Variants in F8 observed in about 807,000 individuals in gnomAD.
The protein encoded by F8 is antihemophilic factor.
F8 carries 12 observed loss-of-function variants against 140.6 expected under a neutral mutation model. The observed-to-expected ratio is 0.09, with a 90% CI of 0.05 to 0.14. The LOEUF (loss-of-function observed/expected upper bound fraction) is 0.14. Ranked by LOEUF, F8 falls within the 10% of genes least tolerant of loss-of-function variation. The pLI is 1.00. For missense variants in F8, 1,354 were observed against 1,720.7 expected, an observed-to-expected ratio of 0.79 and a Z score of 3.77; for synonymous variants, 585 against 614.6, an observed-to-expected ratio of 0.95 and a Z score of 0.71.
At chrX:154,914,040 G>C (rs1381797945) in intron 14 of F8, among the ~76,000 whole-genome samples, 1 of 113,203 alleles carries the variant, frequency 8.8e-6, no homozygotes, top group Non-Finnish European at 1.9e-5. Flanking sequence ...GGACATCCAG[G>C]CATTTCCATA....
intron 18 of F8, among the ~76,000 whole-genome samples, chrX:154,903,544 A>C (rs1231344583): frequency 1.8e-5 from 2 of 111,893 alleles, no homozygotes; most frequent in African/African-American, 6.5e-5. Flanking sequence ...CATTATGAGT[A>C]GTGCTTAATC....
chrX:154,892,112 C>A (rs980108501), intron 22 of F8, among the ~76,000 whole-genome samples: 4 of 111,694 alleles, frequency 3.6e-5, no homozygotes, highest in Non-Finnish European at 5.6e-5. Flanking sequence ...CACCGGTACT[C>A]TTACCACAGC....
intron 22 of F8, among the ~76,000 whole-genome samples, chrX:154,865,559 G>A (rs1311410983): frequency 9.1e-6 from 1 of 110,269 alleles, no homozygotes; most frequent in African/African-American, 3.3e-5. Flanking sequence ...AAAATATGAC[G>A]TCGATTACAT....
At chrX:154,977,477 G>T (rs1249227497) in intron 6 of F8, 1 of 107,279 alleles carries the variant, frequency 9.3e-6, no homozygotes, top group Non-Finnish European at 1.9e-5. Context: ...AATTTCCTCA[G>T]TTTTTTTTTG....
intron 4 of F8, among the ~76,000 whole-genome samples, chrX:154,990,034 C>A (rs1234393995): frequency 8.9e-6 from 1 of 112,115 alleles, no homozygotes; most frequent in Non-Finnish European, 1.9e-5. Flanking sequence ...CATCATATAT[C>A]CTTTTCCATC....
chrX:154,919,554 C>T, intron 14 of F8: 2 of 723,943 alleles, frequency 2.8e-6, no homozygotes, highest in South Asian at 7.1e-5. Context: ...ATCACTCAAT[C>T]CTGGCAGACT....
chrX:154,915,914 C>T (rs1047577323), intron 14 of F8, among the ~76,000 whole-genome samples: 1 of 111,953 alleles, frequency 8.9e-6, no homozygotes, highest in South Asian at 3.7e-4. Context: ...TCAATTTTTT[C>T]CCATTTGGTG....
chrX:154,899,843 C>A (rs2073000715), intron 21 of F8, 23 bp downstream of exon 21: 1 of 1,163,325 alleles, frequency 8.6e-7, no homozygotes, highest in Admixed American at 2.2e-5. Context: ...ATACATTTCC[C>A]ATCATTGATT....
chrX:155,000,444 GC>G (rs1478156618), intron 1 of F8, among the ~76,000 whole-genome samples: 1 of 112,254 alleles, frequency 8.9e-6, no homozygotes, highest in Non-Finnish European at 1.9e-5. Context: ...GCCATAAAGA[GC>G]CTCTCTTCCT....
intron 22 of F8, among the ~76,000 whole-genome samples, chrX:154,867,669 T>C (rs28811339): frequency 0.43 from 36,886 of 86,396 alleles, 8,881 homozygotes; most frequent in African/African-American, 0.81. Flanking sequence ...CCAGCCTGGG[T>C]GACAGAGCAA....
chrX:154,975,695 A>G (rs1399407110), intron 6 of F8, among the ~76,000 whole-genome samples: 1 of 112,085 alleles, frequency 8.9e-6, no homozygotes, highest in Non-Finnish European at 1.9e-5. Context: ...TGCTGTCTTC[A>G]TTTCCCCCTT....
chrX:154,846,702 A>G (rs984045872), intron 25 of F8, among the ~76,000 whole-genome samples: 3 of 111,604 alleles, frequency 2.7e-5, no homozygotes, highest in Non-Finnish European at 5.6e-5. Flanking sequence ...GGGTCTCCTG[A>G]ATACAGCACA....
Position 155,005,879 on chromosome X carries a change from TCCTAGCTTGAGCTC to T in F8, c.144-6293_144-6280del, listed in dbSNP as rs1459344416. Reference sequence around the variant, plus strand: ...AATAGAGAACATCTCTGCAGAGCCATCCTAGCTTGAGCTCCCTGTGGGACTGACCTTTATTCAGA... The same window carrying T: ...AATAGAGAACATCTCTGCAGAGCCATCCTGTGGGACTGACCTTTATTCAGA... On this transcript the variant is annotated intron_variant, in intron 1 of 25. Transcript: ENST00000360256. Among the ~76,000 whole-genome samples the T allele has an allele frequency of 1.4e-4, 16 of 111,657 alleles. No individual in the cohort carries two copies. In the South Asian group the frequency reaches 2.3e-3, roughly 16 times the overall value.
intron 1 of F8, among the ~76,000 whole-genome samples, chrX:155,019,153 CTGAAAACTTATTTA>C (rs1279083764): frequency 8.9e-6 from 1 of 111,810 alleles, no homozygotes; most frequent in Non-Finnish European, 1.9e-5. Context: ...ATACCAGCTG[CTGAAAACTTATTTA>C]TGATAAACAT....
At chrX:154,915,745 A>G (rs958295420) in intron 14 of F8, among the ~76,000 whole-genome samples, 16 of 112,122 alleles carry the variant, frequency 1.4e-4, no homozygotes, top group African/African-American at 4.2e-4. Context: ...TTCTAAATAT[A>G]ACATTATATC....
intron 20 of F8, among the ~76,000 whole-genome samples, chrX:154,901,007 T>C (rs1313870875): frequency 8.9e-6 from 1 of 112,841 alleles, no homozygotes; most frequent in African/African-American, 3.2e-5. Context: ...ATTTAGCCTG[T>C]GGGCAGTAGT....
At chrX:154,864,129 G>C (rs1384624709) in intron 22 of F8, among the ~76,000 whole-genome samples, 4 of 112,505 alleles carry the variant, frequency 3.6e-5, no homozygotes, top group African/African-American at 1.3e-4. Context: ...CAGTCTTGCT[G>C]TACCATGTTC....
intron 1 of F8, among the ~76,000 whole-genome samples, chrX:155,013,902 T>A (rs1557286850): frequency 9.0e-6 from 1 of 111,242 alleles, no homozygotes; most frequent in Non-Finnish European, 1.9e-5. Flanking sequence ...TCTCTTCTTA[T>A]GAGGCCACCA....
At chrX:154,958,031 G>A (rs5945124) in intron 10 of F8, among the ~76,000 whole-genome samples, 1,468 of 111,439 alleles carry the variant, frequency 0.013, 27 homozygotes, top group African/African-American at 0.045. Context: ...TGTTTAACAG[G>A]TCCTGCTGCT....
Sources: allele counts gnomAD v4.1 joint callset (sites outside exome capture counted in the v4.1 genomes callset), GRCh38; gene constraint gnomAD v4.1.1; transcripts MANE v1.5; gene names NCBI Gene and HGNC (gene_info 2026-07-23, HGNC 2026-07-21).